TARBP1: variants seen among roughly 807,000 people sequenced by gnomAD.
TARBP1 encodes tRNA guanosine 2 -O-methyltransferase TARBP1.
TARBP1 carries 144 observed loss-of-function variants against 178.6 expected under a neutral mutation model. The ratio of observed to expected loss-of-function variants is 0.81; its 90% CI spans 0.70 to 0.93. The LOEUF (loss-of-function observed/expected upper bound fraction) is 0.93. Among genes scored for constraint, TARBP1 ranks in the 40% least tolerant of loss-of-function variants. The probability of loss-of-function intolerance (pLI) is 0.00; values close to 1 mark genes in which losing one functional copy is unlikely to be tolerated. For synonymous variants in TARBP1, 787 were observed against 781.0 expected (o/e 1.01, Z -0.13); for missense variants, 2,067 against 2,011.7 (o/e 1.03, Z -0.53).
At chr1:234,469,716 G>A (rs1217787563) in intron 3 of TARBP1, among the ~76,000 whole-genome samples, 1 of 152,168 alleles carries the variant, frequency 6.6e-6, no homozygotes, top group East Asian at 1.9e-4. Context: ...AACACTATTG[G>A]GCTGCATTTA....
In TARBP1 at chr1:234,425,776, T is replaced by C. The variant is rs762477575; in HGVS notation, c.3341A>G (p.His1114Arg). The C allele has an allele frequency of 1.9e-6, 3 of 1,589,298 alleles. No homozygotes were observed. The highest frequency in any genetic ancestry group is 2.2e-5 in the East Asian group (1 of 44,690). ...TTTGACAGCACAAATTCTCACATAA[T>C]GGTCTTCTCTCTTAGTACTAAAAAA... ...IVMENTKRED[H>R]YVRICAVKFL... The change falls in exon 20 of 30, where the codon CAT (histidine) becomes CGT (arginine). Residue 1114 changes from histidine (H) to arginine (R), a missense_variant. His to Arg is a conservative substitution (Grantham distance 29). Transcript: ENST00000040877.
At chr1:234,400,058 A>T (rs1412707469) in intron 25 of TARBP1, among the ~76,000 whole-genome samples, 7 of 151,046 alleles carry the variant, frequency 4.6e-5, no homozygotes, top group African/African-American at 1.5e-4. Flanking sequence ...AAAAACAAAA[A>T]AAAAACAAAT....
intron 20 of TARBP1, 45 bp from the exon 21 acceptor site, chr1:234,420,857 A>C: frequency 8.6e-7 from 1 of 1,161,756 alleles, no homozygotes; most frequent in Non-Finnish European, 1.3e-6. Flanking sequence ...TATCTATTGA[A>C]TTTGTGATTA....
intron 12 of TARBP1, among the ~76,000 whole-genome samples, 192 bp from the exon 13 acceptor site, chr1:234,437,564 T>C (rs1011893142): frequency 5.9e-5 from 9 of 152,102 alleles, no homozygotes; most frequent in African/African-American, 1.9e-4. Flanking sequence ...GGAGTTCCAG[T>C]TGTGGGTAGG....
At chr1:234,419,788 C>G (rs1466637669) in intron 21 of TARBP1, among the ~76,000 whole-genome samples, 2 of 151,984 alleles carry the variant, frequency 1.3e-5, no homozygotes, top group South Asian at 4.1e-4. Flanking sequence ...CCCCCCACAT[C>G]CATCAAAACT....
chr1:234,427,423 G>C, intron 18 of TARBP1, 35 bp from the exon 19 acceptor site: 1 of 1,541,122 alleles, frequency 6.5e-7, no homozygotes, highest in Non-Finnish European at 8.8e-7. Flanking sequence ...AGAACAACAG[G>C]TTTTAAATAG....
At chr1:234,473,441 G>T (rs1449932971) in intron 1 of TARBP1, among the ~76,000 whole-genome samples, 1 of 152,206 alleles carries the variant, frequency 6.6e-6, no homozygotes, top group Non-Finnish European at 1.5e-5. Context: ...TCTCTGAATT[G>T]GGAGGCACAG....
intron 1 of TARBP1, among the ~76,000 whole-genome samples, chr1:234,477,955 G>A (rs1172945504): frequency 2.6e-5 from 4 of 152,116 alleles, no homozygotes; most frequent in African/African-American, 9.7e-5. Context: ...ACCGGCTCTG[G>A]GTTAGAACGT....
intron 22 of TARBP1, among the ~76,000 whole-genome samples, chr1:234,416,083 T>C (rs372210593): frequency 7.9e-5 from 12 of 152,188 alleles, no homozygotes; most frequent in Non-Finnish European, 1.5e-4. Flanking sequence ...CTGGCACTAC[T>C]GTGGATGGGA....
intron 22 of TARBP1, among the ~76,000 whole-genome samples, chr1:234,416,895 T>C (rs1482548160): frequency 7.2e-5 from 11 of 152,292 alleles, no homozygotes; most frequent in Non-Finnish European, 1.3e-4. Flanking sequence ...GGCTTTACTA[T>C]GCTAAGGAAG....
chr1:234,427,789 T>C, intron 17 of TARBP1, 23 bp from the exon 18 acceptor site: 1 of 1,390,926 alleles, frequency 7.2e-7, no homozygotes, highest in Admixed American at 2.8e-5. Context: ...ACAACCGTCA[T>C]TTTATCCTTG....
chr1:234,417,916 G>A (rs1446030129), intron 22 of TARBP1, among the ~76,000 whole-genome samples, 168 bp downstream of exon 22: 2 of 152,096 alleles, frequency 1.3e-5, no homozygotes, highest in African/African-American at 4.8e-5. Context: ...ATGAATGCCA[G>A]GGATTTCTGT....
At chr1:234,453,485 TG>T (rs1472167883) in intron 9 of TARBP1, among the ~76,000 whole-genome samples, 1 of 152,018 alleles carries the variant, frequency 6.6e-6, no homozygotes, top group Non-Finnish European at 1.5e-5. Flanking sequence ...CCACCATGCC[TG>T]GCTGGAACTC....
rs1173036621 is a variant in TARBP1, at chr1:234,478,630, C to A, written c.474G>T (p.Pro158=). 7.7e-7 allele frequency: 1 copy of A among 1,298,426 alleles called. No homozygotes were observed. The highest frequency in any genetic ancestry group is 2.1e-5 in the South Asian group (1 of 48,478). 80.4% of individuals were successfully genotyped at this position (1,298,426 alleles called of 1,614,324 possible). A position where few individuals can be genotyped will look rare whatever the true frequency, so the allele number is the denominator to read the frequency against. The change falls in exon 1 of 30, where the codon CCG becomes CCT. Residue 158 remains proline (P), a synonymous_variant. Transcript: ENST00000040877. ...CGGTCCCCGCCACGCGCTCCAGTAG[C>A]GGCCCGTCCTCGCGGGGCCGCAAAC... ...GPCLRPREDG[P]LLERVAGTAV...
At chr1:234,398,668 A>T in intron 25 of TARBP1, 115 bp from the exon 26 acceptor site, 1 of 747,374 alleles carries the variant, frequency 1.3e-6, no homozygotes, top group South Asian at 3.0e-5. Flanking sequence ...ATTACATCTG[A>T]TCAAACTATA....
At chr1:234,403,465 TTCC>T (rs1660904339) in intron 24 of TARBP1, among the ~76,000 whole-genome samples, 1 of 152,218 alleles carries the variant, frequency 6.6e-6, no homozygotes, top group African/African-American at 2.4e-5. Context: ...TTTTAAAACT[TTCC>T]TCATCACATT....
chr1:234,417,398 A>AT (rs571230545), intron 22 of TARBP1, among the ~76,000 whole-genome samples: 154 of 152,334 alleles, frequency 1.0e-3, no homozygotes, highest in Middle Eastern at 6.8e-3. Flanking sequence ...AGAAAGAGAT[A>AT]TTTTGAGGAA....
At chr1:234,439,951 C>A (rs1028185716) in intron 12 of TARBP1, among the ~76,000 whole-genome samples, 6 of 152,142 alleles carry the variant, frequency 3.9e-5, no homozygotes, top group Admixed American at 2.6e-4. Context: ...AAATAATATT[C>A]TTTTCCAGAG....
chr1:234,410,257 T>C (rs745425771), intron 23 of TARBP1, 188 bp downstream of exon 23: 16 of 453,204 alleles, frequency 3.5e-5, no homozygotes, highest in Non-Finnish European at 5.7e-5. Context: ...TCAGTGTGTA[T>C]GCATGTAAAT....
Sources: gnomAD v4.1 joint callset for allele counts (sites outside exome capture counted in the v4.1 genomes callset) on GRCh38, gnomAD v4.1.1 for gene constraint, MANE v1.5 for transcripts, NCBI Gene and HGNC (gene_info 2026-07-23, HGNC 2026-07-21) for gene names.